Variants in GJA8 observed in about 807,000 individuals in gnomAD.
GJA8 encodes gap junction alpha-8 protein.
A neutral mutation model predicts 15.3 loss-of-function variants in GJA8; 13 were observed. The observed-to-expected ratio is 0.85, with a 90% confidence interval of 0.55 to 1.35. GJA8 has a LOEUF of 1.35. Ranked by LOEUF, GJA8 falls within the 40% of genes most tolerant of loss-of-function variation. The pLI, the probability that GJA8 is intolerant of heterozygous loss-of-function variation, is 0.00. For missense variants in GJA8, 607 were observed against 553.3 expected (o/e 1.10, Z -0.97); for synonymous variants, 304 against 238.7 (o/e 1.27, Z -2.52).
intron 1 of GJA8, among the ~76,000 whole-genome samples, chr1:147,903,944 T>TA (rs2149013209): frequency 6.6e-6 from 1 of 150,940 alleles, no homozygotes; most frequent in South Asian, 2.1e-4. Flanking sequence ...CTTTTTTTTT[T>TA]TTTTTGAGAC....
downstream of GJA8, among the ~76,000 whole-genome samples, chr1:147,911,926 A>G (rs151070008): frequency 6.6e-6 from 1 of 151,704 alleles, no homozygotes; most frequent in East Asian, 1.9e-4. Flanking sequence ...CTTTCCTCAG[A>G]TGAGGCAGTA....
downstream of GJA8, among the ~76,000 whole-genome samples, chr1:147,909,512 A>G (rs1054005365): frequency 4.6e-5 from 7 of 151,912 alleles, no homozygotes; most frequent in African/African-American, 1.7e-4. Flanking sequence ...CGCTCCTCCA[A>G]CCCCAGCAGC....
At position 147,908,283 on chromosome 1, in the gene GJA8, GAGGCGGAGGAGCTGGGCCAGC is replaced by G. The variant is rs782003242; in HGVS notation, c.335_355del (p.Glu112_Ala118del). 1.9e-6 allele frequency: 3 copies of G among 1,614,150 alleles called. No individual in the cohort carries two copies. On this transcript the variant is annotated inframe_deletion, in exon 2 of 2. Transcript: ENST00000369235. ...CATGGAGGAGAAGCGCAAAAGCCGC[GAGGCGGAGGAGCTGGGCCAGC>G]AGGCGGGGACTAACGGCGGCCCGGA...
downstream of GJA8, among the ~76,000 whole-genome samples, chr1:147,913,764 T>C (rs1241488569): frequency 6.6e-6 from 1 of 152,128 alleles, no homozygotes; most frequent in Non-Finnish European, 1.5e-5. Context: ...TGATTTACCC[T>C]CTATGCATAC....
At chr1:147,907,311 G>A (rs180707989) in intron 1 of GJA8, among the ~76,000 whole-genome samples, 10 of 152,260 alleles carry the variant, frequency 6.6e-5, no homozygotes, top group South Asian at 2.1e-4. Context: ...GGCTCCTACC[G>A]TCATGGAAAT....
chr1:147,909,681 G>A (rs587677764), downstream of GJA8, among the ~76,000 whole-genome samples: 2 of 152,194 alleles, frequency 1.3e-5, no homozygotes, highest in African/African-American at 4.8e-5. Context: ...CATATTTCAG[G>A]GATCCAGACT....
At chr1:147,913,440 C>T (rs1332519247), downstream of GJA8, among the ~76,000 whole-genome samples, 10 of 152,128 alleles carry the variant, frequency 6.6e-5, no homozygotes, top group Non-Finnish European at 1.2e-4. Flanking sequence ...TCTTTAATCA[C>T]GCAAGAATTG....
intron 1 of GJA8, among the ~76,000 whole-genome samples, chr1:147,904,275 T>C (rs1245980925): frequency 6.6e-6 from 1 of 151,972 alleles, no homozygotes; most frequent in African/African-American, 2.4e-5. Context: ...AAATAAGGAG[T>C]TGGTATCCTT....
downstream of GJA8, among the ~76,000 whole-genome samples, chr1:147,911,367 T>C (rs1652141969): frequency 6.6e-6 from 1 of 152,190 alleles, no homozygotes; most frequent in Non-Finnish European, 1.5e-5. Flanking sequence ...TGGTGACCCA[T>C]TCTAAAGCAA....
At chr1:147,910,462 C>T (rs1185845080), downstream of GJA8, among the ~76,000 whole-genome samples, 1 of 152,154 alleles carries the variant, frequency 6.6e-6, no homozygotes, top group African/African-American at 2.4e-5. Context: ...CTCATTGTAG[C>T]CCCTGGGTTC....
chr1:147,908,060 C>T lies in GJA8; in HGVS notation c.105C>T (p.Leu35=). The change falls in exon 2 of 2, where the codon CTC becomes CTT. Residue 35 remains leucine, a synonymous_variant. Coordinates refer to ENST00000369235, the MANE Select transcript of GJA8 (RefSeq NM_005267.5). ...WLTVLFIFRI[L]ILGTAAEFVW... ...CCGTGCTTTTCATCTTCCGGATCCT[C>T]ATCCTTGGCACGGCCGCAGAGTTCG... is the stretch of plus-strand genomic sequence containing the variant. 3.1e-6 allele frequency: 5 copies of T among 1,614,154 alleles called. No homozygotes were observed. Among genetic ancestry groups the T allele is most frequent in the Non-Finnish European group, 4.2e-6 (5 of 1,179,992 alleles).
Position 147,908,531 on chromosome 1 carries a change from G to A in GJA8, c.576G>A (p.Val192=), listed in dbSNP as rs1651916138. The change falls in exon 2 of 2, where the codon GTG becomes GTA. Residue 192 remains valine (V), a synonymous_variant. Coordinates refer to ENST00000369235, the MANE Select transcript of GJA8 (RefSeq NM_005267.5). ...GCCGGTGGCCCTGCCCCAATGTGGT[G>A]GACTGCTTCGTGTCCCGGCCCACGG... ...RCSRWPCPNV[V]DCFVSRPTEK... The A allele has an allele frequency of 6.2e-7, 1 of 1,614,160 alleles. No homozygotes were observed. The highest frequency in any genetic ancestry group is 2.2e-5 in the East Asian group (1 of 44,876).
In GJA8 at chr1:147,908,331, C is replaced by T; in HGVS notation, c.376C>T (p.Gln126Ter). Residue 126 changes from glutamine (Q) to a stop codon, truncating the protein, a stop_gained, in exon 2 of 2, where the codon CAG becomes TAG. Coordinates refer to ENST00000369235, the MANE Select transcript of GJA8 (RefSeq NM_005267.5). LOFTEE classifies it high-confidence loss of function. ...QQAGTNGGPDQGSVKKSSGSK... is the reference protein window; with the variant it reads ...QQAGTNGGPD The stretch of plus-strand genomic sequence containing the variant: ...GGCGGGGACTAACGGCGGCCCGGAC[C>T]AGGGCAGCGTCAAGAAGAGCAGCGG... 6.2e-7 allele frequency: 1 copy of T among 1,614,214 alleles called. No individual in the cohort carries two copies. The highest frequency in any genetic ancestry group is 8.5e-7 in the Non-Finnish European group (1 of 1,180,038).
In GJA8 at chr1:147,908,317, A is replaced by G. The variant is rs1553242651; in HGVS notation, c.362A>G (p.Asn121Ser). ...AEELGQQAGTNGGPDQGSVKK... is the reference protein window; with the variant it reads ...AEELGQQAGTSGGPDQGSVKK... ...GAGCTGGGCCAGCAGGCGGGGACTA[A>G]CGGCGGCCCGGACCAGGGCAGCGTC... The change falls in exon 2 of 2, where the codon AAC becomes AGC. Residue 121 changes from asparagine to serine, a missense_variant. Coordinates refer to ENST00000369235, the MANE Select transcript of GJA8 (RefSeq NM_005267.5). 1.5e-5 allele frequency: 25 copies of G among 1,614,056 alleles called. No individual in the cohort carries two copies. The highest frequency in any genetic ancestry group is 2.0e-5 in the Non-Finnish European group (24 of 1,180,028).
Position 147,908,282 on chromosome 1 carries a change from C to G in GJA8, c.327C>G (p.Arg109=), listed in dbSNP as rs1553242620. The stretch of plus-strand genomic sequence containing the variant: ...GCATGGAGGAGAAGCGCAAAAGCCG[C>G]GAGGCGGAGGAGCTGGGCCAGCAGG... The part of the protein sequence containing the change: ...YVRMEEKRKS[R]EAEELGQQAG... Residue 109 remains arginine, a synonymous_variant, in exon 2 of 2, where the codon CGC becomes CGG. Coordinates refer to ENST00000369235, the MANE Select transcript of GJA8 (RefSeq NM_005267.5). 1 of 1,614,138 alleles carries G rather than the reference C, an allele frequency of 6.2e-7. No homozygotes were observed. Among genetic ancestry groups the G allele is most frequent in the South Asian group, 1.1e-5 (1 of 91,076 alleles).
chr1:147,904,550 C>T (rs183483342), intron 1 of GJA8, among the ~76,000 whole-genome samples: 30 of 152,262 alleles, frequency 2.0e-4, no homozygotes, highest in Admixed American at 1.3e-3. Context: ...TGTAATAGGT[C>T]TGTTCACTAA....
In GJA8 at chr1:147,907,868, C is replaced by T. The variant is rs1571175387; in HGVS notation, c.-11-77C>T. 4 of 1,012,362 alleles carry T rather than the reference C, an allele frequency of 4.0e-6. No individual in the cohort carries two copies. The East Asian group carries it at 7.1e-5, about 18-fold the overall frequency. The allele number at this position is 1,012,362 out of a possible 1,614,324, so 62.7% of individuals were successfully genotyped here. ...GGCAACTTGGAAAGGAGAGGTACCC[C>T]GCGTTAGCAAAAACAGATATTGACT... On this transcript the variant is annotated intron_variant, in intron 1 of 1. Coordinates refer to ENST00000369235, the MANE Select transcript of GJA8 (RefSeq NM_005267.5).
downstream of GJA8, chr1:147,909,323 C>A: frequency 8.4e-7 from 1 of 1,185,902 alleles, no homozygotes; most frequent in Non-Finnish European, 1.2e-6. Flanking sequence ...GGAACAGGTG[C>A]CAACATGATC....
downstream of GJA8, among the ~76,000 whole-genome samples, chr1:147,911,297 C>A (rs180932746): frequency 2.6e-5 from 4 of 152,294 alleles, no homozygotes; most frequent in African/African-American, 9.6e-5. Context: ...TCAAGATATA[C>A]CTTTCCAAAG....
Sources: allele counts gnomAD v4.1 joint callset (sites outside exome capture counted in the v4.1 genomes callset), GRCh38; gene constraint gnomAD v4.1.1; transcripts MANE v1.5; gene names NCBI Gene and HGNC (gene_info 2026-07-23, HGNC 2026-07-21).